The following HUWE1 variants were observed in gnomAD, a reference collection of about 807,000 sequenced individuals.
The protein encoded by HUWE1 is E3 ubiquitin-protein ligase HUWE1.
Under a neutral mutation model 299.4 loss-of-function variants are expected in HUWE1, and 18 were observed. The observed-to-expected ratio is 0.06, with a 90% CI of 0.04 to 0.09. HUWE1 has a LOEUF of 0.09. Ranked by LOEUF, HUWE1 falls within the 10% of genes least tolerant of loss-of-function variation. HUWE1 has a pLI of 1.00. For synonymous variants in HUWE1, 1,317 were observed against 1,286.1 expected, an observed-to-expected ratio of 1.02 and a Z score of -0.51; for missense variants, 1,832 against 3,462.3, an observed-to-expected ratio of 0.53 and a Z score of 11.82.
At chrX:53,645,237 T>C in intron 7 of HUWE1, 74 bp downstream of exon 7, 1 of 1,072,746 alleles carries the variant, frequency 9.3e-7, no homozygotes. Flanking sequence ...ATTTTAACAC[T>C]CCAAGAAACA....
chrX:53,632,317 G>C (rs927067255), intron 9 of HUWE1, among the ~76,000 whole-genome samples, 170 bp downstream of exon 9: 2 of 111,818 alleles, frequency 1.8e-5, no homozygotes, highest in Admixed American at 9.5e-5. Context: ...CCCTATCAGA[G>C]TTGGGGATGC....
intron 60 of HUWE1, among the ~76,000 whole-genome samples, chrX:53,556,658 G>A (rs1377893136): frequency 9.0e-6 from 1 of 111,319 alleles, no homozygotes; most frequent in African/African-American, 3.3e-5. Context: ...ATACCACTAA[G>A]CCCAGAGAGC....
chrX:53,578,138 C>A (rs1483192499), intron 43 of HUWE1, among the ~76,000 whole-genome samples: 1 of 96,073 alleles, frequency 1.0e-5, no homozygotes. Context: ...CCCGGCCGCC[C>A]ATCGTCTGAG....
chrX:53,662,751 AAAG>A (rs1296523425), intron 3 of HUWE1, among the ~76,000 whole-genome samples: 1 of 111,954 alleles, frequency 8.9e-6, no homozygotes, highest in African/African-American at 3.2e-5. Context: ...GACTGCTTAC[AAAG>A]AAGGAAAGGA....
chrX:53,584,518 C>T (rs1001227096), intron 40 of HUWE1, among the ~76,000 whole-genome samples, 173 bp from the exon 41 acceptor site: 3 of 111,462 alleles, frequency 2.7e-5, no homozygotes, highest in African/African-American at 9.8e-5. Flanking sequence ...AGGCAAGTGG[C>T]ATACACAAGG....
intron 7 of HUWE1, 51 bp from the exon 8 acceptor site, chrX:53,634,349 G>C: frequency 1.1e-6 from 1 of 903,839 alleles, no homozygotes; most frequent in Non-Finnish European, 1.6e-6. Context: ...GTGACTTTGC[G>C]CCACTGCACT....
At chrX:53,545,266 G>A in intron 70 of HUWE1, 105 bp from the exon 71 acceptor site, 1 of 801,524 alleles carries the variant, frequency 1.2e-6, no homozygotes, top group South Asian at 2.2e-5. Context: ...TCATTGCTCA[G>A]CTGCAGAGAA....
At chrX:53,683,353 G>A (rs1368823489) in intron 2 of HUWE1, among the ~76,000 whole-genome samples, 1 of 111,202 alleles carries the variant, frequency 9.0e-6, no homozygotes, top group Non-Finnish European at 1.9e-5. Flanking sequence ...CGCGAGAGTT[G>A]GCGAAGATGA....
rs146791080 is a variant in HUWE1 at position 53,627,751 on chromosome X, A to C, written c.1371T>G (p.Ile457Met). 8.3e-7 allele frequency: 1 copy of C among 1,200,620 alleles called. No homozygotes were observed. The highest frequency in any genetic ancestry group is 1.8e-5 in the African/African-American group (1 of 56,722). ...FQSHSGLSIF[I>M]YRLEHEVDLC... ...TGTATAATAATACCTCAAGTCTATA[A>C]ATGAAGATAGAAAGTCCACTATGGG... is the stretch of plus-strand genomic sequence containing the variant. The change falls in exon 16 of 84, where the codon ATT (isoleucine) becomes ATG (methionine). Residue 457 changes from isoleucine to methionine, a missense_variant. Ile to Met is a conservative substitution (Grantham distance 10). Transcript: ENST00000262854.
intron 60 of HUWE1, among the ~76,000 whole-genome samples, chrX:53,555,703 G>A (rs1208797928): frequency 9.7e-6 from 1 of 103,023 alleles, no homozygotes; most frequent in Non-Finnish European, 2.0e-5. Flanking sequence ...GTGCAGTGGC[G>A]TGTTCTCAGC....
chrX:53,638,621 C>T (rs1414200178), intron 7 of HUWE1, among the ~76,000 whole-genome samples: 1 of 112,038 alleles, frequency 8.9e-6, no homozygotes, highest in Non-Finnish European at 1.9e-5. Context: ...GTGGTTCTCC[C>T]TGGACCAGCA....
intron 13 of HUWE1, 60 bp downstream of exon 13, chrX:53,629,456 C>T: frequency 1.2e-6 from 1 of 819,090 alleles, no homozygotes; most frequent in Non-Finnish European, 1.9e-6. Context: ...GTCTCAAATC[C>T]AAAATACTTC....
chrX:53,591,286 T>C (rs1204037817), intron 33 of HUWE1, among the ~76,000 whole-genome samples, 164 bp from the exon 34 acceptor site: 1 of 112,272 alleles, frequency 8.9e-6, no homozygotes, highest in African/African-American at 3.2e-5. Context: ...CCTTTCTGTT[T>C]GGTGCTTCTA....
chrX:53,598,516 C>A (rs1285729175), intron 29 of HUWE1, among the ~76,000 whole-genome samples: 1 of 111,213 alleles, frequency 9.0e-6, no homozygotes, highest in African/African-American at 3.3e-5. Flanking sequence ...GAAGACCACC[C>A]AGATGAAGAC....
chrX:53,606,177 A>G (rs146782892), intron 25 of HUWE1, among the ~76,000 whole-genome samples: 2 of 112,414 alleles, frequency 1.8e-5, no homozygotes, highest in East Asian at 5.5e-4. Context: ...AACTCACAGA[A>G]CAGGAAAAAT....
At chrX:53,601,682 T>C (rs1055332937) in intron 28 of HUWE1, among the ~76,000 whole-genome samples, 31 of 107,184 alleles carry the variant, frequency 2.9e-4, no homozygotes, top group African/African-American at 6.8e-4. Flanking sequence ...TTTTTTTTTT[T>C]CCTGAGGCGG....
chrX:53,587,283 T>C (rs782375819), intron 37 of HUWE1, among the ~76,000 whole-genome samples: 1 of 112,518 alleles, frequency 8.9e-6, no homozygotes, highest in Non-Finnish European at 1.9e-5. Flanking sequence ...AGAGAAATTT[T>C]ATAATCTTTC....
intron 7 of HUWE1, among the ~76,000 whole-genome samples, chrX:53,643,420 G>A (rs2067749594): frequency 9.1e-6 from 1 of 110,450 alleles, no homozygotes; most frequent in East Asian, 2.8e-4. Context: ...CACAATCTAG[G>A]CTCACTGCAG....
intron 6 of HUWE1, 38 bp downstream of exon 6, chrX:53,647,330 A>T: frequency 1.0e-6 from 1 of 957,406 alleles, no homozygotes; most frequent in Non-Finnish European, 1.5e-6. Context: ...ACACAATTCT[A>T]GTCAAGAACA....
Sources: gnomAD v4.1 joint callset for allele counts (sites outside exome capture counted in the v4.1 genomes callset) on GRCh38, gnomAD v4.1.1 for gene constraint, MANE v1.5 for transcripts, NCBI Gene and HGNC (gene_info 2026-07-23, HGNC 2026-07-21) for gene names.